Variants in IQCM observed in about 807,000 individuals in gnomAD.
IQCM encodes IQ domain-containing protein M.
A neutral mutation model predicts 57.6 loss-of-function variants in IQCM; 45 were observed. The observed-to-expected ratio is 0.78, with a 90% CI of 0.62 to 1.00. The LOEUF (loss-of-function observed/expected upper bound fraction) is 1.00, where lower values mean the gene tolerates loss of function less well. Among genes scored for constraint, IQCM ranks in the 50% least tolerant of loss-of-function variants. IQCM has a pLI of 0.00. For synonymous variants in IQCM, 148 were observed against 158.9 expected (o/e 0.93, Z 0.51); for missense variants, 468 against 511.6 (o/e 0.91, Z 0.82).
rs989548954 is a variant in IQCM, at chr4:149,724,232, T to G, written c.385+9012A>C. ...GGAATGATCATATACCTGAAATCATTAAAATATAAATTAGGTTTCATAAAC... is the reference window on the plus strand; with the variant it reads ...GGAATGATCATATACCTGAAATCATGAAAATATAAATTAGGTTTCATAAAC... On this transcript the variant is annotated intron_variant, in intron 5 of 13. Transcript: ENST00000636793. Among the ~76,000 whole-genome samples the G allele has an allele frequency of 2.6e-5, 4 of 152,132 alleles. No homozygotes were observed. The East Asian group carries it at 7.7e-4, about 29-fold the overall frequency.
chr4:149,560,726 A>G (rs1750041107), intron 10 of IQCM, among the ~76,000 whole-genome samples: 1 of 152,220 alleles, frequency 6.6e-6, no homozygotes, highest in Admixed American at 6.5e-5. Flanking sequence ...ATTTCAAACC[A>G]AATTTTTCAT....
intron 12 of IQCM, among the ~76,000 whole-genome samples, chr4:149,445,344 T>A (rs1736392440): frequency 6.6e-6 from 1 of 151,922 alleles, no homozygotes; most frequent in Admixed American, 6.6e-5. Flanking sequence ...AATATTTATA[T>A]GCATCCTTCA....
At chr4:149,424,387 C>T (rs978914315) in intron 13 of IQCM, among the ~76,000 whole-genome samples, 1 of 150,538 alleles carries the variant, frequency 6.6e-6, no homozygotes, top group Non-Finnish European at 1.5e-5. Flanking sequence ...ATAAATAAAG[C>T]TTAGTTTTAA....
chr4:149,706,675 A>G (rs760759686), intron 5 of IQCM, among the ~76,000 whole-genome samples: 1 of 152,044 alleles, frequency 6.6e-6, no homozygotes, highest in African/African-American at 2.4e-5. Context: ...AGCTTCTACC[A>G]ATATCCTTTA....
chr4:149,748,336 A>C (rs758574920), intron 2 of IQCM, among the ~76,000 whole-genome samples: 1 of 152,216 alleles, frequency 6.6e-6, no homozygotes, highest in Non-Finnish European at 1.5e-5. Flanking sequence ...ATGCATGGAC[A>C]CTTACATTAA....
chr4:149,738,677 G>C (rs1767167628), intron 3 of IQCM, among the ~76,000 whole-genome samples: 1 of 152,102 alleles, frequency 6.6e-6, no homozygotes, highest in Admixed American at 6.6e-5. Context: ...AGGCAGCCAA[G>C]GTCAGAAAGC....
At chr4:149,591,617 G>A (rs767560372) in intron 8 of IQCM, among the ~76,000 whole-genome samples, 7 of 151,452 alleles carry the variant, frequency 4.6e-5, no homozygotes, top group East Asian at 2.0e-4. Flanking sequence ...CCCACCCCAC[G>A]ACAGGCCCCG....
chr4:149,545,252 A>G (rs1282809614), intron 12 of IQCM, among the ~76,000 whole-genome samples: 2 of 152,188 alleles, frequency 1.3e-5, no homozygotes, highest in African/African-American at 2.4e-5. Flanking sequence ...AGGAAACACA[A>G]TCAACAAAAT....
At chr4:149,815,426 T>A (rs1043662967) in intron 1 of IQCM, 78 bp from the exon 2 acceptor site, 3 of 151,932 alleles carry the variant, frequency 2.0e-5, no homozygotes, top group African/African-American at 7.2e-5. Flanking sequence ...ATATATCTTA[T>A]CATCTAAGCA....
At position 149,471,753 on chromosome 4, in the gene IQCM, C is replaced by CA. The variant is rs533858439; in HGVS notation, c.1229-38197dup. On this transcript the variant is annotated intron_variant, in intron 12 of 13. Coordinates refer to ENST00000636793, the MANE Select transcript of IQCM (RefSeq NM_001363507.2). The stretch of plus-strand genomic sequence containing the variant: ...TACTGGCAAACCAAATCCAGCAGCA[C>CA]ATCAAAAAGCTTATCCACCACGATC... Among the ~76,000 whole-genome samples, 496 of 152,272 alleles carry CA rather than the reference C, an allele frequency of 3.3e-3. 4 individuals are homozygous for CA. Among genetic ancestry groups the CA allele is most frequent in the African/African-American group, 0.011 (474 of 41,564 alleles).
chr4:149,504,911 A>G (rs1230775601), intron 12 of IQCM, among the ~76,000 whole-genome samples: 1 of 152,072 alleles, frequency 6.6e-6, no homozygotes, highest in Non-Finnish European at 1.5e-5. Context: ...AGAGAGAGAG[A>G]GAGACCCTGG....
At chr4:149,499,505 C>G (rs914848442) in intron 12 of IQCM, among the ~76,000 whole-genome samples, 1 of 151,938 alleles carries the variant, frequency 6.6e-6, no homozygotes, top group Non-Finnish European at 1.5e-5. Context: ...TATTATAAAA[C>G]CAGAAAGACA....
At chr4:149,647,201 T>C (rs898033995) in intron 7 of IQCM, among the ~76,000 whole-genome samples, 2 of 152,212 alleles carry the variant, frequency 1.3e-5, no homozygotes, top group Non-Finnish European at 2.9e-5. Flanking sequence ...ACTTTTTGGA[T>C]AAACAACTCA....
At chr4:149,387,385 G>A (rs1340283919) in intron 13 of IQCM, among the ~76,000 whole-genome samples, 1 of 151,986 alleles carries the variant, frequency 6.6e-6, no homozygotes, top group East Asian at 1.9e-4. Flanking sequence ...ATCATAGCAG[G>A]TGGTGACAAA....
intron 2 of IQCM, among the ~76,000 whole-genome samples, chr4:149,807,292 G>A (rs1036696572): frequency 6.6e-6 from 1 of 151,772 alleles, no homozygotes; most frequent in Non-Finnish European, 1.5e-5. Flanking sequence ...AAACACCATG[G>A]TACTGACATA....
At chr4:149,374,967 TTG>T (rs145080282) in intron 13 of IQCM, among the ~76,000 whole-genome samples, 3,015 of 124,874 alleles carry the variant, frequency 0.024, 36 homozygotes, top group Middle Eastern at 0.043. Context: ...CACACTTTCT[TTG>T]TGTGTGTGTG....
intron 12 of IQCM, among the ~76,000 whole-genome samples, chr4:149,443,581 G>T (rs948901700): frequency 1.8e-4 from 27 of 151,160 alleles, no homozygotes; most frequent in African/African-American, 6.6e-4. Flanking sequence ...GGAATAAAAC[G>T]AAATGAAATA....
At chr4:149,707,232 T>C (rs1764226034) in intron 5 of IQCM, among the ~76,000 whole-genome samples, 1 of 152,080 alleles carries the variant, frequency 6.6e-6, no homozygotes. Context: ...CTGCAGTGCC[T>C]GCCATGTCAT....
At chr4:149,754,392 C>T (rs116223743) in intron 2 of IQCM, among the ~76,000 whole-genome samples, 6 of 152,170 alleles carry the variant, frequency 3.9e-5, no homozygotes, top group Non-Finnish European at 8.8e-5. Flanking sequence ...TCTTCCCTTT[C>T]GAAATCCAGA....
Sources: allele counts gnomAD v4.1 joint callset (sites outside exome capture counted in the v4.1 genomes callset), GRCh38; gene constraint gnomAD v4.1.1; transcripts MANE v1.5; gene names NCBI Gene and HGNC (gene_info 2026-07-23, HGNC 2026-07-21).